The following SUFU variants were observed in gnomAD, a reference collection of about 807,000 sequenced individuals.
SUFU encodes the protein SUFU negative regulator of hedgehog signaling.
In SUFU, 7 loss-of-function variants were observed where a neutral mutation model predicts 58.9. That is an observed-to-expected ratio of 0.12 (90% confidence interval 0.07 to 0.22). The LOEUF (loss-of-function observed/expected upper bound fraction) is 0.22, where lower values mean the gene tolerates loss of function less well. SUFU is among the 10% of genes least tolerant of loss of function. SUFU has a pLI of 1.00. For missense variants in SUFU, 451 were observed against 641.3 expected, an observed-to-expected ratio of 0.70 and a Z score of 3.20; for synonymous variants, 232 against 254.8, an observed-to-expected ratio of 0.91 and a Z score of 0.85.
rs185529666 is a variant in SUFU, at chr10:102,623,854, C to T, written c.1297-3321C>T. Reference sequence around the variant, plus strand: ...ACTCGGGAGGCTGAGGCAGGAGAATCGCTTGAACCCAGGAGGCGGAGGTTG... The same window carrying T: ...ACTCGGGAGGCTGAGGCAGGAGAATTGCTTGAACCCAGGAGGCGGAGGTTG... On this transcript the variant is annotated intron_variant, in intron 10 of 11. Coordinates refer to ENST00000369902, the MANE Select transcript of SUFU (RefSeq NM_016169.4). Among the ~76,000 whole-genome samples the T allele has an allele frequency of 9.2e-5, 14 of 152,248 alleles. No homozygotes were observed. In the East Asian group the frequency reaches 2.5e-3, roughly 27 times the overall value.
chr10:102,530,924 A>T (rs1408550922), intron 2 of SUFU, among the ~76,000 whole-genome samples: 2 of 152,086 alleles, frequency 1.3e-5, no homozygotes, highest in African/African-American at 2.4e-5. Flanking sequence ...AATAAATGAT[A>T]ATAGTAATTA....
chr10:102,596,337 A>T (rs1455823094), intron 6 of SUFU, among the ~76,000 whole-genome samples: 1 of 152,232 alleles, frequency 6.6e-6, no homozygotes, highest in Non-Finnish European at 1.5e-5. Flanking sequence ...TTTTAATTCA[A>T]GGTCCAGCAT....
At chr10:102,593,552 T>G (rs1590062699) in intron 4 of SUFU, 84 bp from the exon 5 acceptor site, 1 of 1,354,192 alleles carries the variant, frequency 7.4e-7, no homozygotes, top group Non-Finnish European at 1.1e-6. Context: ...CAACTGGAGG[T>G]GACTCAGAGA....
At chr10:102,558,849 A>G (rs987355728) in intron 3 of SUFU, among the ~76,000 whole-genome samples, 1 of 152,192 alleles carries the variant, frequency 6.6e-6, no homozygotes, top group African/African-American at 2.4e-5. Flanking sequence ...TGGAGCGGGC[A>G]CTTTCTGTTC....
chr10:102,584,619 A>G (rs1334475390), intron 3 of SUFU, among the ~76,000 whole-genome samples: 1 of 152,172 alleles, frequency 6.6e-6, no homozygotes, highest in East Asian at 1.9e-4. Context: ...GAAATTAATA[A>G]CATTTTGTTA....
Position 102,625,629 on chromosome 10 carries a change from C to T in SUFU, c.1297-1546C>T, listed in dbSNP as rs977203679. Among the ~76,000 whole-genome samples the T allele has an allele frequency of 6.6e-6, 1 of 152,158 alleles. No individual in the cohort carries two copies. Among genetic ancestry groups the T allele is most frequent in the Non-Finnish European group, 1.5e-5 (1 of 68,030 alleles). The stretch of plus-strand genomic sequence containing the variant: ...GACATGATCAGGATATGGTCTTAAC[C>T]ACTCACAAGCCGTGTGACACTGAGC... On this transcript the variant is annotated intron_variant, in intron 10 of 11. Transcript: ENST00000369902. The surrounding 1 kb of genome is among the most constrained non-coding windows in gnomAD (Gnocchi z 4.7).
chr10:102,612,169 T>TTGTGTGTGTGTG lies in SUFU; in HGVS notation c.1023-3070_1023-3059dup, dbSNP rs34032732. ...AACAAATCAGCAGAAAACTGGGTTC[T>TTGTGTGTGTGTG]TGTGTGTGTGTGTGTGTGTGTGTGT... On this transcript the variant is annotated intron_variant, in intron 8 of 11. Transcript: ENST00000369902. 7.4e-5 allele frequency among the ~76,000 whole-genome samples: 11 copies of TTGTGTGTGTGTG among 148,330 alleles called. No homozygotes were observed. In the South Asian group the frequency reaches 8.6e-4, roughly 12 times the overall value.
intron 8 of SUFU, among the ~76,000 whole-genome samples, chr10:102,601,936 G>T (rs926853945): frequency 1.3e-5 from 2 of 152,188 alleles, no homozygotes; most frequent in Non-Finnish European, 2.9e-5. Context: ...TCTTATGCAT[G>T]GGTCTTCGCG....
At chr10:102,529,943 C>G (rs1377819124) in intron 2 of SUFU, among the ~76,000 whole-genome samples, 1 of 134,442 alleles carries the variant, frequency 7.4e-6, no homozygotes, top group Admixed American at 7.5e-5. Context: ...GACTCCGTCT[C>G]AAAAAAAAAA....
intron 5 of SUFU, 66 bp from the exon 6 acceptor site, chr10:102,593,927 G>C: frequency 6.3e-7 from 1 of 1,585,718 alleles, no homozygotes; most frequent in Non-Finnish European, 8.7e-7. Flanking sequence ...AACAGGGCAG[G>C]CTGTAGGCCC....
At position 102,625,457 on chromosome 10, in the gene SUFU, T is replaced by C. The variant is rs1009890090; in HGVS notation, c.1297-1718T>C. Among the ~76,000 whole-genome samples the C allele has an allele frequency of 6.6e-6, 1 of 152,146 alleles. No homozygotes were observed. Among genetic ancestry groups the C allele is most frequent in the African/African-American group, 2.4e-5 (1 of 41,418 alleles). On this transcript the variant is annotated intron_variant, in intron 10 of 11. Coordinates refer to ENST00000369902, the MANE Select transcript of SUFU (RefSeq NM_016169.4). The surrounding 1 kb of genome is among the most constrained non-coding windows in gnomAD (Gnocchi z 4.7). ...GGGAAGGCTGGGTCTCTTGTCTCCT[T>C]GCCAGCCAAAAGAGGGTGCTTGTCC...
Position 102,504,191 on chromosome 10 carries a change from CGCGCCCCCGGCCCCTGGCCCGACT to C in SUFU, c.42_65del (p.Pro18_Ala25del), listed in dbSNP as rs2062289607. 1.3e-6 allele frequency: 2 copies of C among 1,541,572 alleles called. No homozygotes were observed. The highest frequency in any genetic ancestry group is 1.7e-6 in the Non-Finnish European group (2 of 1,143,764). ...GGCCTAGCGGCGCCCCCGGCCCCAC[CGCGCCCCCGGCCCCTGGCCCGACT>C]GCCCCCCCGGCCTTCGCTTCGCTCT... On this transcript the variant is annotated inframe_deletion, in exon 1 of 12. Transcript: ENST00000369902.
chr10:102,580,035 C>CG (rs58926708), intron 3 of SUFU, among the ~76,000 whole-genome samples: 48,899 of 121,482 alleles, frequency 0.4, 12,854 homozygotes, highest in African/African-American at 0.46. Context: ...CCGCACCCCC[C>CG]CCCCGCCCCC....
chr10:102,561,292 C>T (rs767589334), intron 3 of SUFU, among the ~76,000 whole-genome samples: 9 of 152,132 alleles, frequency 5.9e-5, no homozygotes, highest in Middle Eastern at 3.2e-3. Flanking sequence ...TAAAATAATA[C>T]TATTGGGGCC....
At chr10:102,608,537 A>G (rs12782153) in intron 8 of SUFU, among the ~76,000 whole-genome samples, 80,200 of 151,908 alleles carry the variant, frequency 0.53, 21,656 homozygotes, top group Middle Eastern at 0.63. Flanking sequence ...ATCATCTGAC[A>G]GCCCCCTGAA....
chr10:102,509,414 G>C, intron 2 of SUFU, 111 bp downstream of exon 2: 1 of 1,474,792 alleles, frequency 6.8e-7, no homozygotes, highest in Non-Finnish European at 9.4e-7. Context: ...TGGAACCTCT[G>C]CATTTCTGCC....
chr10:102,521,551 G>A (rs991142682), intron 2 of SUFU, among the ~76,000 whole-genome samples: 1 of 152,152 alleles, frequency 6.6e-6, no homozygotes, highest in Non-Finnish European at 1.5e-5. Context: ...TCCATAAAGT[G>A]TAGCTGCTAC....
Position 102,625,981 on chromosome 10 carries a change from G to T in SUFU, c.1297-1194G>T, listed in dbSNP as rs1218362935. Reference sequence around the variant, plus strand: ...CTCAATTCTCCTCCTCACAGGGAGGGTTTCCCCTCAGAGGAGCCCCTCACC... The same window carrying T: ...CTCAATTCTCCTCCTCACAGGGAGGTTTTCCCCTCAGAGGAGCCCCTCACC... On this transcript the variant is annotated intron_variant, in intron 10 of 11. Coordinates refer to ENST00000369902, the MANE Select transcript of SUFU (RefSeq NM_016169.4). The surrounding 1 kb of genome is among the most constrained non-coding windows in gnomAD (Gnocchi z 4.7). Among the ~76,000 whole-genome samples, 9 of 152,182 alleles carry T rather than the reference G, an allele frequency of 5.9e-5. No homozygotes were observed. Among genetic ancestry groups the T allele is most frequent in the Admixed American group, 5.9e-4 (9 of 15,288 alleles).
At chr10:102,596,775 A>T (rs1245258745) in intron 6 of SUFU, among the ~76,000 whole-genome samples, 1 of 152,182 alleles carries the variant, frequency 6.6e-6, no homozygotes, top group Non-Finnish European at 1.5e-5. Flanking sequence ...TCAGAGAAGT[A>T]GGCTCTCTCA....
Sources: gnomAD v4.1 joint callset for allele counts (sites outside exome capture counted in the v4.1 genomes callset) on GRCh38, gnomAD v4.1.1 for gene constraint, Gnocchi (gnomAD v3.1) non-coding constraint, MANE v1.5 for transcripts, NCBI Gene and HGNC (gene_info 2026-07-23, HGNC 2026-07-21) for gene names.